CTNNA3: variants seen among roughly 807,000 people sequenced by gnomAD.
The protein encoded by CTNNA3 is catenin alpha-3.
CTNNA3 carries 76 observed loss-of-function variants against 95.7 expected under a neutral mutation model. The ratio of observed to expected loss-of-function variants is 0.79; its 90% CI spans 0.66 to 0.96. CTNNA3 has a LOEUF of 0.96. Among genes scored for constraint, CTNNA3 ranks in the 40% least tolerant of loss-of-function variants. The pLI is 0.00. For missense variants in CTNNA3, 1,191 were observed against 1,089.8 expected (o/e 1.09, Z -1.31); for synonymous variants, 431 against 374.4 (o/e 1.15, Z -1.74).
At chr10:66,674,838 C>T (rs139813067) in intron 9 of CTNNA3, among the ~76,000 whole-genome samples, 155 of 152,118 alleles carry the variant, frequency 1.0e-3, no homozygotes, top group African/African-American at 3.4e-3. Flanking sequence ...TAAAGAGGAA[C>T]AGAAAGGTTG....
chr10:67,482,742 C>A (rs1848283539), intron 5 of CTNNA3, among the ~76,000 whole-genome samples: 1 of 152,240 alleles, frequency 6.6e-6, no homozygotes, highest in East Asian at 1.9e-4. Flanking sequence ...CCCTTTATTT[C>A]CTTCTCCTGC....
At chr10:66,133,160 T>C (rs1042073725) in intron 13 of CTNNA3, among the ~76,000 whole-genome samples, 1 of 152,152 alleles carries the variant, frequency 6.6e-6, no homozygotes, top group Non-Finnish European at 1.5e-5. Context: ...CCTATGTTAA[T>C]ATAGTTGAAT....
chr10:67,176,194 A>G (rs1862237063), intron 7 of CTNNA3, among the ~76,000 whole-genome samples: 1 of 152,168 alleles, frequency 6.6e-6, no homozygotes, highest in South Asian at 2.1e-4. Context: ...TTATTTCTGG[A>G]TATTTACATT....
At chr10:67,497,863 T>G (rs1211823859) in intron 5 of CTNNA3, among the ~76,000 whole-genome samples, 1 of 152,216 alleles carries the variant, frequency 6.6e-6, no homozygotes, top group African/African-American at 2.4e-5. Flanking sequence ...GTTGCAAAAA[T>G]CTTCTCCCAT....
chr10:66,538,668 T>A (rs1841741221), intron 10 of CTNNA3, among the ~76,000 whole-genome samples: 1 of 152,172 alleles, frequency 6.6e-6, no homozygotes, highest in Admixed American at 6.5e-5. Flanking sequence ...ACATATGCTG[T>A]TAGATAGACT....
intron 15 of CTNNA3, among the ~76,000 whole-genome samples, chr10:66,047,658 G>A (rs1381417116): frequency 6.6e-6 from 1 of 151,942 alleles, no homozygotes; most frequent in African/African-American, 2.4e-5. Flanking sequence ...ACAAATAAAG[G>A]GCACCCAAAT....
At chr10:66,343,903 T>C (rs1213170721) in intron 12 of CTNNA3, among the ~76,000 whole-genome samples, 2 of 151,980 alleles carry the variant, frequency 1.3e-5, no homozygotes, top group Non-Finnish European at 2.9e-5. Context: ...TCAAATTCTA[T>C]AATTTTTACT....
intron 10 of CTNNA3, among the ~76,000 whole-genome samples, chr10:66,539,377 A>G (rs554871538): frequency 1.2e-4 from 18 of 152,246 alleles, no homozygotes; most frequent in African/African-American, 4.1e-4. Flanking sequence ...AAAAGAGAGT[A>G]AAGGAAGAAG....
chr10:66,199,677 C>G (rs1336642684), intron 13 of CTNNA3, among the ~76,000 whole-genome samples: 1 of 147,394 alleles, frequency 6.8e-6, no homozygotes, highest in Non-Finnish European at 1.5e-5. Flanking sequence ...TCTCGGCTCA[C>G]TGCAACCTTC....
chr10:66,670,408 C>T (rs536239971), intron 9 of CTNNA3, among the ~76,000 whole-genome samples: 2 of 152,268 alleles, frequency 1.3e-5, no homozygotes, highest in African/African-American at 2.4e-5. Flanking sequence ...ACTGACATCT[C>T]AATTTCCTTG....
At chr10:65,984,024 A>C (rs1243936381) in intron 16 of CTNNA3, among the ~76,000 whole-genome samples, 1 of 151,140 alleles carries the variant, frequency 6.6e-6, no homozygotes, top group Non-Finnish European at 1.5e-5. Context: ...GTAATAGATG[A>C]TATATATATA....
At chr10:66,179,389 G>T (rs10822739) in intron 13 of CTNNA3, among the ~76,000 whole-genome samples, 26,722 of 151,986 alleles carry the variant, frequency 0.18, 2,542 homozygotes, top group Admixed American at 0.25. Flanking sequence ...TTGGAGGGAA[G>T]TATATGTGGC....
intron 9 of CTNNA3, among the ~76,000 whole-genome samples, chr10:66,744,334 G>T (rs926372852): frequency 3.9e-5 from 6 of 152,088 alleles, no homozygotes; most frequent in Non-Finnish European, 7.4e-5. Flanking sequence ...TATGTCTTTT[G>T]CACATGACAT....
At chr10:67,270,169 T>C (rs1448424993) in intron 5 of CTNNA3, among the ~76,000 whole-genome samples, 2 of 152,012 alleles carry the variant, frequency 1.3e-5, no homozygotes, top group Non-Finnish European at 2.9e-5. Flanking sequence ...GAACCTGATT[T>C]GTCCCTTTTT....
At chr10:66,512,732 T>G (rs1428232360) in intron 11 of CTNNA3, among the ~76,000 whole-genome samples, 1 of 152,078 alleles carries the variant, frequency 6.6e-6, no homozygotes, top group Non-Finnish European at 1.5e-5. Context: ...CTGGGAAAAT[T>G]TTATGTCTCC....
chr10:67,545,072 T>TG (rs113564147), intron 3 of CTNNA3, among the ~76,000 whole-genome samples: 2 of 119,896 alleles, frequency 1.7e-5, no homozygotes, highest in Admixed American at 7.5e-5. Context: ...AACTAATCTG[T>TG]GTTTTTTTAT....
intron 7 of CTNNA3, among the ~76,000 whole-genome samples, chr10:66,958,527 C>T (rs1305863357): frequency 6.6e-6 from 1 of 151,994 alleles, no homozygotes; most frequent in Non-Finnish European, 1.5e-5. Context: ...AAATGTGCAG[C>T]TGGGTTCAGA....
chr10:66,628,411 C>T (rs1266510026), intron 9 of CTNNA3, among the ~76,000 whole-genome samples: 1 of 152,026 alleles, frequency 6.6e-6, no homozygotes, highest in Admixed American at 6.6e-5. Context: ...GGGGGAAACA[C>T]CTGAGAAAAG....
At chr10:67,563,573 T>C (rs1003986971) in intron 3 of CTNNA3, among the ~76,000 whole-genome samples, 10 of 152,148 alleles carry the variant, frequency 6.6e-5, no homozygotes, top group African/African-American at 2.2e-4. Context: ...ATTCAGGACA[T>C]AGGCACAGGC....
Sources: allele counts gnomAD v4.1 joint callset (sites outside exome capture counted in the v4.1 genomes callset), GRCh38; gene constraint gnomAD v4.1.1; transcripts MANE v1.5; gene names NCBI Gene and HGNC (gene_info 2026-07-23, HGNC 2026-07-21).